ZNF730: variants seen among roughly 807,000 people sequenced by gnomAD.
The protein encoded by ZNF730 is putative zinc finger protein 730.
Under a neutral mutation model 12.6 loss-of-function variants are expected in ZNF730, and 12 were observed. The observed-to-expected ratio is 0.95, with a 90% CI of 0.61 to 1.54. ZNF730 has a LOEUF of 1.54. ZNF730 is among the 40% of genes most tolerant of loss of function. The pLI, the probability that ZNF730 is intolerant of heterozygous loss-of-function variation, is 0.00. For missense variants in ZNF730, 643 were observed against 583.5 expected (o/e 1.10, Z -1.05); for synonymous variants, 194 against 195.8 (o/e 0.99, Z 0.08).
chr19:23,094,120 C>T (rs143438808), intron 1 of ZNF730, among the ~76,000 whole-genome samples: 44 of 152,250 alleles, frequency 2.9e-4, no homozygotes, highest in East Asian at 2.1e-3. Flanking sequence ...CAAGTGGCTG[C>T]GGCTCTGGGG....
At chr19:23,110,227 T>G (rs1270868135) in intron 1 of ZNF730, among the ~76,000 whole-genome samples, 1 of 133,846 alleles carries the variant, frequency 7.5e-6, no homozygotes, top group African/African-American at 2.9e-5. Flanking sequence ...CGCCTTGGCC[T>G]CCCAAAGTGC....
In ZNF730 at chr19:23,146,625, T is replaced by C; in HGVS notation, c.*69T>C. 2 of 1,579,098 alleles carry C rather than the reference T, an allele frequency of 1.3e-6. No homozygotes were observed. Among genetic ancestry groups the C allele is most frequent in the Non-Finnish European group, 1.7e-6 (2 of 1,150,760 alleles). Reference sequence around the variant, plus strand: ...TTACTACACATAAGATAATTCATACTGAAGAGAAACCCTACAAATGTGAAG... The same window carrying C: ...TTACTACACATAAGATAATTCATACCGAAGAGAAACCCTACAAATGTGAAG... On this transcript the variant is annotated 3_prime_UTR_variant, in exon 4 of 4. Transcript: ENST00000597761.
At chr19:23,098,781 C>T (rs534226467) in intron 1 of ZNF730, among the ~76,000 whole-genome samples, 289 of 152,190 alleles carry the variant, frequency 1.9e-3, no homozygotes, top group African/African-American at 6.5e-3. Context: ...GGTGATGTGA[C>T]GGTTCTGGGT....
intron 3 of ZNF730, among the ~76,000 whole-genome samples, chr19:23,139,053 T>C (rs1186130071): frequency 6.6e-6 from 1 of 152,174 alleles, no homozygotes; most frequent in Non-Finnish European, 1.5e-5. Context: ...AGAATTGACA[T>C]GTTATGTCTG....
chr19:23,098,952 T>G (rs1970295469), intron 1 of ZNF730, among the ~76,000 whole-genome samples: 1 of 152,186 alleles, frequency 6.6e-6, no homozygotes, highest in African/African-American at 2.4e-5. Flanking sequence ...TGTATGAAGG[T>G]TATAGAGAAT....
At chr19:23,114,992 CTG>C (rs896122695), upstream of ZNF730, among the ~76,000 whole-genome samples, 16 of 152,118 alleles carry the variant, frequency 1.1e-4, no homozygotes, top group African/African-American at 3.6e-4. Flanking sequence ...GTCGCCCACG[CTG>C]TGTTTGAACT....
chr19:23,111,833 T>C (rs889235318), intron 1 of ZNF730, among the ~76,000 whole-genome samples: 1 of 72,102 alleles, frequency 1.4e-5, no homozygotes, highest in Non-Finnish European at 3.0e-5. Flanking sequence ...ATTGATGACA[T>C]ATCAGATCCA....
At chr19:23,128,280 T>C in intron 1 of ZNF730, 1 of 690,670 alleles carries the variant, frequency 1.4e-6, no homozygotes. Flanking sequence ...GCCAGAATGT[T>C]GCAGATTACA....
upstream of ZNF730, among the ~76,000 whole-genome samples, chr19:23,116,325 TTTC>T (rs370330100): frequency 2.3e-4 from 5 of 21,306 alleles, no homozygotes; most frequent in South Asian, 3.6e-3. Context: ...TTTTCTTTTC[TTTC>T]TTTCTTTCCT....
At chr19:23,133,816 A>C (rs2145659084) in intron 1 of ZNF730, among the ~76,000 whole-genome samples, 1 of 117,214 alleles carries the variant, frequency 8.5e-6, no homozygotes, top group Non-Finnish European at 1.9e-5. Context: ...AAAAATGTAC[A>C]TGTTAGTGTT....
chr19:23,126,739 T>G lies in ZNF730; in HGVS notation c.4-7341T>G, dbSNP rs557998150. ...TCTTGTTTTGCAGACTGAGATTTTT[T>G]TTTTTCAAATTTCTGACTACATAAT... On this transcript the variant is annotated intron_variant, in intron 1 of 3. Coordinates refer to ENST00000597761, the MANE Select transcript of ZNF730 (RefSeq NM_001277403.2). The G allele has an allele frequency of 1.5e-3, 688 of 473,558 alleles. 1 individual carries two copies. The highest frequency in any genetic ancestry group is 2.4e-3 in the Non-Finnish European group (580 of 241,736). The allele number at this position is 473,558 out of a possible 1,614,324, so 29.3% of individuals were successfully genotyped here. A position where few individuals can be genotyped will look rare whatever the true frequency, so the allele number is the denominator to read the frequency against.
chr19:23,144,715 A>AAAAAAAAAAAAC (rs1970978684), intron 3 of ZNF730, among the ~76,000 whole-genome samples: 1 of 151,034 alleles, frequency 6.6e-6, no homozygotes, highest in Non-Finnish European at 1.5e-5. Context: ...AAAAAAAAAA[A>AAAAAAAAAAAAC]ATTAGTAATC....
rs562023013 is a variant in ZNF730, at chr19:23,146,596, T to A, written c.*40T>A. On this transcript the variant is annotated 3_prime_UTR_variant, in exon 4 of 4. Coordinates refer to ENST00000597761, the MANE Select transcript of ZNF730 (RefSeq NM_001277403.2). Reference sequence around the variant, plus strand: ...TGGCAAAGCTTTTAAACAATCTTTATACCTTACTACACATAAGATAATTCA... The same window carrying A: ...TGGCAAAGCTTTTAAACAATCTTTAAACCTTACTACACATAAGATAATTCA... 3.2e-6 allele frequency: 5 copies of A among 1,578,912 alleles called. No homozygotes were observed. The highest frequency in any genetic ancestry group is 4.3e-6 in the Non-Finnish European group (5 of 1,156,292).
chr19:23,089,438 TTG>T (rs1190470482), intron 1 of ZNF730, among the ~76,000 whole-genome samples: 1 of 152,162 alleles, frequency 6.6e-6, no homozygotes, highest in Non-Finnish European at 1.5e-5. Flanking sequence ...TCAATTTGAA[TTG>T]TGTTTCCCAG....
At chr19:23,122,641 A>G (rs1970613834) in intron 1 of ZNF730, among the ~76,000 whole-genome samples, 1 of 152,232 alleles carries the variant, frequency 6.6e-6, no homozygotes, top group African/African-American at 2.4e-5. Flanking sequence ...TTATTCACTA[A>G]ATAGTGGAAT....
chr19:23,139,035 AAT>A (rs1970876053), intron 3 of ZNF730, among the ~76,000 whole-genome samples: 2 of 152,172 alleles, frequency 1.3e-5, no homozygotes, highest in Non-Finnish European at 2.9e-5. Context: ...CATTTAGGGA[AAT>A]ATACTAGAAT....
At chr19:23,106,312 A>G (rs1345786575) in intron 1 of ZNF730, among the ~76,000 whole-genome samples, 3 of 152,152 alleles carry the variant, frequency 2.0e-5, no homozygotes, top group Non-Finnish European at 2.9e-5. Context: ...TACTCTGAAG[A>G]TGGGTATGTG....
chr19:23,108,083 AT>A (rs1266272190), intron 1 of ZNF730, among the ~76,000 whole-genome samples: 2 of 152,168 alleles, frequency 1.3e-5, no homozygotes, highest in Non-Finnish European at 2.9e-5. Context: ...GTGAAGAATA[AT>A]TTAGTAATAC....
intron 1 of ZNF730, among the ~76,000 whole-genome samples, chr19:23,079,404 C>T (rs530130094): frequency 1.3e-5 from 2 of 152,238 alleles, no homozygotes; most frequent in Non-Finnish European, 2.9e-5. Flanking sequence ...GTGATCCGCC[C>T]GCCTTGGCCT....
Sources: gnomAD v4.1 joint callset for allele counts (sites outside exome capture counted in the v4.1 genomes callset) on GRCh38, gnomAD v4.1.1 for gene constraint, MANE v1.5 for transcripts, NCBI Gene and HGNC (gene_info 2026-07-23, HGNC 2026-07-21) for gene names.